Variants in GLIS3 observed in about 807,000 individuals in gnomAD.
GLIS3 encodes zinc finger protein GLIS3.
A neutral mutation model predicts 78.6 loss-of-function variants in GLIS3; 53 were observed. That is an observed-to-expected ratio of 0.67 (90% CI 0.54 to 0.85). The LOEUF (loss-of-function observed/expected upper bound fraction) is 0.85, where lower values mean the gene tolerates loss of function less well. Ranked by LOEUF, GLIS3 falls within the 40% of genes least tolerant of loss-of-function variation. The probability of loss-of-function intolerance (pLI) is 0.00; values close to 1 mark genes in which losing one functional copy is unlikely to be tolerated. For missense variants in GLIS3, 1,703 were observed against 1,231.1 expected (o/e 1.38, Z -5.74); for synonymous variants, 684 against 509.9 (o/e 1.34, Z -4.60).
At chr9:4,193,766 C>A (rs907830745) in intron 2 of GLIS3, among the ~76,000 whole-genome samples, 11 of 152,318 alleles carry the variant, frequency 7.2e-5, no homozygotes, top group African/African-American at 2.6e-4. Context: ...GTCTTAGAGG[C>A]AAATGAAAAT....
At chr9:4,266,872 T>C (rs750833915) in intron 2 of GLIS3, among the ~76,000 whole-genome samples, 6 of 152,184 alleles carry the variant, frequency 3.9e-5, no homozygotes, top group Non-Finnish European at 5.9e-5. Flanking sequence ...AATATAACAT[T>C]TGGCAACTCT....
rs191372714 is a variant in GLIS3 at position 3,867,681 on chromosome 9, G to A, written c.2298-11497C>T. Among the ~76,000 whole-genome samples the A allele has an allele frequency of 1.8e-3, 271 of 152,114 alleles. 1 individual carries two copies. The highest frequency in any genetic ancestry group is 3.2e-3 in the Non-Finnish European group (215 of 68,012). On this transcript the variant is annotated intron_variant, in intron 8 of 10. Transcript: ENST00000381971. ...GCCTCTGTACTGCTCACAACATTGA[G>A]ATCAGGAACAACTTTTATTACATTC... is the stretch of plus-strand genomic sequence containing the variant.
At chr9:4,249,862 A>C (rs1304613474) in intron 2 of GLIS3, among the ~76,000 whole-genome samples, 1 of 152,220 alleles carries the variant, frequency 6.6e-6, no homozygotes, top group Non-Finnish European at 1.5e-5. Flanking sequence ...CCTTTTGTGC[A>C]TCTATTGAGA....
chr9:4,163,568 G>T (rs1030062540), intron 2 of GLIS3, among the ~76,000 whole-genome samples: 7 of 152,220 alleles, frequency 4.6e-5, no homozygotes, highest in Non-Finnish European at 8.8e-5. Flanking sequence ...CATTTCACAG[G>T]CAGGACAGCA....
At chr9:4,282,450 C>G (rs80262953) in intron 2 of GLIS3, among the ~76,000 whole-genome samples, 13,609 of 152,208 alleles carry the variant, frequency 0.089, 676 homozygotes, top group African/African-American at 0.14. Context: ...AAGGTTGACC[C>G]TCGCCCCCGA....
At chr9:4,477,036 A>G in the GLIS3 span, among the ~76,000 whole-genome samples, 1 of 152,148 alleles carries the variant, frequency 6.6e-6, no homozygotes, top group South Asian at 2.1e-4. Context: ...TAGAATTACT[A>G]TATGTTCCAG....
intron 6 of GLIS3, among the ~76,000 whole-genome samples, chr9:3,902,644 G>A (rs575823835): frequency 6.6e-6 from 1 of 152,198 alleles, no homozygotes; most frequent in South Asian, 2.1e-4. Flanking sequence ...CCCCAGAGCT[G>A]CTCATTCAGT....
chr9:4,406,037 A>G, the GLIS3 span, among the ~76,000 whole-genome samples: 1 of 152,230 alleles, frequency 6.6e-6, no homozygotes, highest in Non-Finnish European at 1.5e-5. Flanking sequence ...AAAAACCCTC[A>G]AAGAACTGGG....
chr9:4,097,909 ATT>A (rs990662748), intron 4 of GLIS3, among the ~76,000 whole-genome samples: 1 of 151,938 alleles, frequency 6.6e-6, no homozygotes, highest in African/African-American at 2.4e-5. Flanking sequence ...CATATTTTCA[ATT>A]TTTTTTGTGG....
At chr9:3,861,016 G>A (rs1036192285) in intron 8 of GLIS3, among the ~76,000 whole-genome samples, 2 of 152,106 alleles carry the variant, frequency 1.3e-5, no homozygotes, top group African/African-American at 2.4e-5. Flanking sequence ...GGGTGGATTA[G>A]GAATAATTTT....
In GLIS3 at chr9:4,233,611, G is replaced by C. The variant is rs113301553; in HGVS notation, c.388+52427C>G. On this transcript the variant is annotated intron_variant, in intron 2 of 10. Transcript: ENST00000381971. Reference sequence around the variant, plus strand: ...CCATTTATAGATCACAGGCAGAATAGATTAGCATAATTCTTAAAGGCCCTA... The same window carrying C: ...CCATTTATAGATCACAGGCAGAATACATTAGCATAATTCTTAAAGGCCCTA... 6.1e-3 allele frequency among the ~76,000 whole-genome samples: 931 copies of C among 152,300 alleles called. 6 individuals are homozygous for C. The highest frequency in any genetic ancestry group is 0.022 in the African/African-American group (896 of 41,568).
intron 1 of GLIS3, among the ~76,000 whole-genome samples, chr9:4,288,930 C>T (rs16921047): frequency 0.063 from 9,571 of 152,014 alleles, 459 homozygotes; most frequent in Admixed American, 0.11. Context: ...ACATTAATTA[C>T]GCCAACAGAT....
chr9:4,422,991 G>C, the GLIS3 span, among the ~76,000 whole-genome samples: 2 of 152,170 alleles, frequency 1.3e-5, no homozygotes, highest in Admixed American at 6.5e-5. Flanking sequence ...GGAGTCAAAA[G>C]AGAAAATTAG....
At chr9:4,046,517 C>CAGAAAA in intron 4 of GLIS3, among the ~76,000 whole-genome samples, 2 of 152,248 alleles carry the variant, frequency 1.3e-5, no homozygotes, top group Middle Eastern at 3.4e-3. Flanking sequence ...TGTTCATCAA[C>CAGAAAA]AGAAAACTGA....
rs59495657 is a variant in GLIS3, at chr9:3,991,683, A to ATT, written c.1711-54496_1711-54495dup. ...GTTCAGAATTTCATTAAGTAGGCTGATTTTTTTTTTTTTTTTTTTTTTTTT... is the reference window on the plus strand; with the variant it reads ...GTTCAGAATTTCATTAAGTAGGCTGATTTTTTTTTTTTTTTTTTTTTTTTTTT... On this transcript the variant is annotated intron_variant, in intron 4 of 10. Transcript: ENST00000381971. Among the ~76,000 whole-genome samples the ATT allele has an allele frequency of 8.9e-4, 78 of 87,876 alleles. 1 individual carries two copies. The highest frequency in any genetic ancestry group is 2.4e-3 in the African/African-American group (45 of 18,976). The allele number at this position is 87,876 out of a possible 152,430, so 57.7% of individuals were successfully genotyped here.
the GLIS3 span, among the ~76,000 whole-genome samples, chr9:4,396,035 G>C: frequency 6.6e-6 from 1 of 151,876 alleles, no homozygotes; most frequent in East Asian, 1.9e-4. Context: ...GCCTCCCAAA[G>C]TGCTGGGATT....
At chr9:4,101,080 A>G (rs1830335569) in intron 4 of GLIS3, among the ~76,000 whole-genome samples, 1 of 152,244 alleles carries the variant, frequency 6.6e-6, no homozygotes, top group African/African-American at 2.4e-5. Context: ...AACAGAAAAA[A>G]GTACTGGCCA....
At chr9:3,910,779 G>T (rs1824084184) in intron 6 of GLIS3, among the ~76,000 whole-genome samples, 1 of 152,182 alleles carries the variant, frequency 6.6e-6, no homozygotes, top group Admixed American at 6.5e-5. Flanking sequence ...ACCATTTAGT[G>T]ATCTTGGCTA....
chr9:4,407,715 T>C, the GLIS3 span, among the ~76,000 whole-genome samples: 2 of 152,278 alleles, frequency 1.3e-5, no homozygotes, highest in South Asian at 2.1e-4. Context: ...TGGGCAAGAA[T>C]TTATCGAGTA....
Sources: gnomAD v4.1 joint callset for allele counts (sites outside exome capture counted in the v4.1 genomes callset) on GRCh38, gnomAD v4.1.1 for gene constraint, MANE v1.5 for transcripts, NCBI Gene and HGNC (gene_info 2026-07-23, HGNC 2026-07-21) for gene names.